The following TMEM135 variants were observed in gnomAD, a reference collection of about 807,000 sequenced individuals.
TMEM135 encodes transmembrane protein 135.
TMEM135 carries 30 observed loss-of-function variants against 60.3 expected under a neutral mutation model. That is an observed-to-expected ratio of 0.50 (90% confidence interval 0.37 to 0.68). The LOEUF (loss-of-function observed/expected upper bound fraction) is 0.68, where lower values mean the gene tolerates loss of function less well. Ranked by LOEUF, TMEM135 falls within the 30% of genes least tolerant of loss-of-function variation. The pLI is 0.00. For missense variants in TMEM135, 468 were observed against 548.8 expected, an observed-to-expected ratio of 0.85 and a Z score of 1.47; for synonymous variants, 190 against 186.7, an observed-to-expected ratio of 1.02 and a Z score of -0.14.
intron 6 of TMEM135, among the ~76,000 whole-genome samples, chr11:87,288,495 C>T (rs1222938382): frequency 2.6e-5 from 4 of 152,058 alleles, no homozygotes; most frequent in Admixed American, 6.6e-5. Flanking sequence ...TGGTTTTATT[C>T]TTGGGGCTAG....
intron 6 of TMEM135, among the ~76,000 whole-genome samples, chr11:87,268,606 T>C (rs1449867739): frequency 6.6e-6 from 1 of 152,200 alleles, no homozygotes; most frequent in Non-Finnish European, 1.5e-5. Context: ...TGTAAATCTT[T>C]AGGGTCAAGA....
intron 1 of TMEM135, among the ~76,000 whole-genome samples, chr11:87,061,366 A>G (rs971672559): frequency 1.7e-4 from 26 of 152,186 alleles, no homozygotes; most frequent in African/African-American, 6.0e-4. Flanking sequence ...AACATCCTTC[A>G]ATGCATAGGA....
intron 5 of TMEM135, among the ~76,000 whole-genome samples, chr11:87,162,456 G>T (rs1434317093): frequency 5.9e-5 from 9 of 152,118 alleles, no homozygotes; most frequent in Admixed American, 5.9e-4. Context: ...CCATTTATGA[G>T]TGAGAACATT....
At chr11:87,078,856 A>G (rs1012662176) in intron 3 of TMEM135, among the ~76,000 whole-genome samples, 3 of 151,992 alleles carry the variant, frequency 2.0e-5, no homozygotes, top group Non-Finnish European at 4.4e-5. Flanking sequence ...TCCTGACCTA[A>G]GGTGATCTGC....
intron 3 of TMEM135, among the ~76,000 whole-genome samples, chr11:87,082,428 CA>C (rs1020991928): frequency 5.9e-5 from 9 of 151,974 alleles, no homozygotes; most frequent in Non-Finnish European, 1.2e-4. Flanking sequence ...CATCTAGTGC[CA>C]AAAATCAAGC....
chr11:87,231,815 G>A (rs1940894203), intron 5 of TMEM135, among the ~76,000 whole-genome samples: 1 of 152,060 alleles, frequency 6.6e-6, no homozygotes, highest in African/African-American at 2.4e-5. Context: ...AACTTCTAGA[G>A]ATGAAAATTA....
At chr11:87,256,564 G>A (rs1941532172) in intron 6 of TMEM135, among the ~76,000 whole-genome samples, 1 of 152,120 alleles carries the variant, frequency 6.6e-6, no homozygotes, top group Non-Finnish European at 1.5e-5. Context: ...TTCATATAGA[G>A]ACATGATGCC....
chr11:87,295,734 G>A (rs10792935), intron 6 of TMEM135, 48 bp from the exon 7 acceptor site: 976,623 of 1,494,048 alleles, frequency 0.65, 322,263 homozygotes, highest in Non-Finnish European at 0.68. Context: ...ATAGGTACTT[G>A]TATCTCAAAA....
intron 5 of TMEM135, among the ~76,000 whole-genome samples, chr11:87,190,558 A>G (rs1217912127): frequency 6.6e-6 from 1 of 152,184 alleles, no homozygotes; most frequent in South Asian, 2.1e-4. Context: ...ACTGTGAGAC[A>G]AAGTTGCCTT....
chr11:87,310,471 C>T (rs1447380367), intron 10 of TMEM135, among the ~76,000 whole-genome samples: 1 of 151,818 alleles, frequency 6.6e-6, no homozygotes, highest in African/African-American at 2.4e-5. Context: ...TCACTGGGGG[C>T]TTCTAGAGGA....
chr11:87,192,668 T>C (rs1939837729), intron 5 of TMEM135, among the ~76,000 whole-genome samples: 1 of 152,242 alleles, frequency 6.6e-6, no homozygotes, highest in African/African-American at 2.4e-5. Flanking sequence ...TAAGCTTTAT[T>C]CCATGTAATT....
chr11:87,326,536 A>G lies in TMEM135; in HGVS notation c.*5203A>G, dbSNP rs1412688585. The G allele has an allele frequency of 4.4e-6, 2 of 454,110 alleles. No individual in the cohort carries two copies. The highest frequency in any genetic ancestry group is 4.7e-5 in the Admixed American group (2 of 42,576). The allele number at this position is 454,110 out of a possible 1,614,324, so 28.1% of individuals were successfully genotyped here. A position where few individuals can be genotyped will look rare whatever the true frequency, so the allele number is the denominator to read the frequency against. ...CATGAAGTACATTCTGTGGTTGGTC[A>G]TTATGGGATTGGATGCCAAAAGGAA... On this transcript the variant is annotated 3_prime_UTR_variant, in exon 15 of 15. Coordinates refer to ENST00000305494, the MANE Select transcript of TMEM135 (RefSeq NM_022918.4).
chr11:87,254,858 G>T (rs1446212676), intron 6 of TMEM135, among the ~76,000 whole-genome samples: 1 of 152,024 alleles, frequency 6.6e-6, no homozygotes, highest in Non-Finnish European at 1.5e-5. Context: ...AACAAAATAA[G>T]GGCCTGGTGT....
At chr11:87,047,630 G>C (rs1163965952) in intron 1 of TMEM135, among the ~76,000 whole-genome samples, 2 of 119,326 alleles carry the variant, frequency 1.7e-5, no homozygotes, top group African/African-American at 7.3e-5. Flanking sequence ...GGCGCACCAC[G>C]AGACTATATC....
At chr11:87,135,132 C>T (rs78797664) in intron 4 of TMEM135, among the ~76,000 whole-genome samples, 9,950 of 152,108 alleles carry the variant, frequency 0.065, 346 homozygotes, top group African/African-American at 0.084. Flanking sequence ...ATTCTGGATA[C>T]ATGTCCTTGA....
chr11:87,266,674 C>T (rs923880310), intron 6 of TMEM135, among the ~76,000 whole-genome samples: 1 of 152,104 alleles, frequency 6.6e-6, no homozygotes, highest in African/African-American at 2.4e-5. Flanking sequence ...CATGAATGAA[C>T]CTCCTCAGCT....
chr11:87,268,803 T>G (rs1002307688), intron 6 of TMEM135, among the ~76,000 whole-genome samples: 60 of 152,068 alleles, frequency 3.9e-4, no homozygotes, highest in Admixed American at 3.9e-3. Flanking sequence ...CGGTCAGAAG[T>G]GATTTATTTT....
intron 2 of TMEM135, 148 bp from the exon 3 acceptor site, chr11:87,071,375 A>G: frequency 1.5e-6 from 1 of 657,244 alleles, no homozygotes; most frequent in South Asian, 1.9e-5. Context: ...TAGGGGAGAC[A>G]GATAATGAGT....
At chr11:87,142,531 G>A (rs1938291330) in intron 4 of TMEM135, among the ~76,000 whole-genome samples, 2 of 152,188 alleles carry the variant, frequency 1.3e-5, no homozygotes, top group African/African-American at 2.4e-5. Context: ...GTGTCGAGAA[G>A]TCTGCCATTA....
Sources: gnomAD v4.1 joint callset for allele counts (sites outside exome capture counted in the v4.1 genomes callset) on GRCh38, gnomAD v4.1.1 for gene constraint, MANE v1.5 for transcripts, NCBI Gene and HGNC (gene_info 2026-07-23, HGNC 2026-07-21) for gene names.